Variants in TENM3 observed in about 807,000 individuals in gnomAD.
TENM3 encodes teneurin transmembrane protein 3.
TENM3 carries 63 observed loss-of-function variants against 255.1 expected under a neutral mutation model. The ratio of observed to expected loss-of-function variants is 0.25; its 90% confidence interval spans 0.20 to 0.30. The LOEUF is 0.30. TENM3 is among the 10% of genes least tolerant of loss of function. TENM3 has a pLI of 1.00. For synonymous variants in TENM3, 1,306 were observed against 1,322.3 expected (o/e 0.99, Z 0.27); for missense variants, 2,929 against 3,461.1 (o/e 0.85, Z 3.86).
chr4:182,586,345 G>A (rs557925851), intron 3 of TENM3, among the ~76,000 whole-genome samples: 76 of 152,100 alleles, frequency 5.0e-4, no homozygotes, highest in Non-Finnish European at 8.8e-4. Context: ...TGCCATTCAC[G>A]GGGCATTGTC....
At chr4:182,581,858 T>C (rs1163707826) in intron 3 of TENM3, among the ~76,000 whole-genome samples, 1 of 151,920 alleles carries the variant, frequency 6.6e-6, no homozygotes, top group Non-Finnish European at 1.5e-5. Flanking sequence ...GAATGATATC[T>C]AGAGTCTTGT....
the TENM3 span, among the ~76,000 whole-genome samples, chr4:181,768,234 G>A: frequency 6.6e-6 from 1 of 152,134 alleles, no homozygotes; most frequent in Non-Finnish European, 1.5e-5. Context: ...CCAATGTCTG[G>A]AGACATTTTT....
At chr4:182,094,975 A>G in the TENM3 span, among the ~76,000 whole-genome samples, 4 of 152,008 alleles carry the variant, frequency 2.6e-5, no homozygotes, top group Non-Finnish European at 5.9e-5. Flanking sequence ...TTAAACATCT[A>G]AAATAAATAA....
the TENM3 span, among the ~76,000 whole-genome samples, chr4:181,641,805 CATATATATATATATATATAT>C: frequency 6.4e-5 from 2 of 31,438 alleles, no homozygotes; most frequent in Non-Finnish European, 1.0e-4. Context: ...ACACACACAC[CATATATATATATATATATAT>C]ATATATATAT....
the TENM3 span, among the ~76,000 whole-genome samples, chr4:182,020,094 G>A: frequency 1.3e-5 from 2 of 152,236 alleles, no homozygotes; most frequent in Non-Finnish European, 2.9e-5. Context: ...GCCAGGTGCT[G>A]TGGTTCATGC....
Position 182,683,036 on chromosome 4 carries a change from G to A in TENM3, c.2035+1022G>A, listed in dbSNP as rs181728646. Among the ~76,000 whole-genome samples, 564 of 152,228 alleles carry A rather than the reference G, an allele frequency of 3.7e-3. 1 individual carries two copies. Among genetic ancestry groups the A allele is most frequent in the Admixed American group, 5.3e-3 (81 of 15,286 alleles). On this transcript the variant is annotated intron_variant, in intron 11 of 27. Coordinates refer to ENST00000511685, the MANE Select transcript of TENM3 (RefSeq NM_001080477.4). ...ATTAACATTTCTTTATTTAATGATG[G>A]TGGTAGTCTGGGTAAGGGTATAATT...
chr4:181,870,307 T>G, the TENM3 span, among the ~76,000 whole-genome samples: 1 of 152,306 alleles, frequency 6.6e-6, no homozygotes, highest in Non-Finnish European at 1.5e-5. Context: ...GAAGTCTTTT[T>G]GTGGCCATAT....
At chr4:181,605,524 A>G in the TENM3 span, among the ~76,000 whole-genome samples, 48 of 22,522 alleles carry the variant, frequency 2.1e-3, 2 homozygotes, top group South Asian at 4.3e-3. Context: ...GAAAGAAAGA[A>G]AGAAAGAAAG....
the TENM3 span, among the ~76,000 whole-genome samples, chr4:181,959,522 AG>A: frequency 6.6e-6 from 1 of 152,242 alleles, no homozygotes; most frequent in Non-Finnish European, 1.5e-5. Context: ...ATTCAAATTC[AG>A]TTAATGAATT....
At chr4:182,478,382 TA>T (rs1449256881) in intron 3 of TENM3, among the ~76,000 whole-genome samples, 1 of 152,114 alleles carries the variant, frequency 6.6e-6, no homozygotes, top group Non-Finnish European at 1.5e-5. Flanking sequence ...GGTACTTTGC[TA>T]ATATTCATTC....
At chr4:182,372,021 T>G (rs2150863212) in intron 3 of TENM3, among the ~76,000 whole-genome samples, 1 of 152,348 alleles carries the variant, frequency 6.6e-6, no homozygotes, top group South Asian at 2.1e-4. Flanking sequence ...TACCTTAGAA[T>G]ATCTTATTGT....
chr4:182,568,384 A>C (rs1176442475), intron 3 of TENM3, among the ~76,000 whole-genome samples: 1 of 152,260 alleles, frequency 6.6e-6, no homozygotes, highest in Admixed American at 6.5e-5. Flanking sequence ...TTGGAGAAAC[A>C]GAATGAGAAG....
chr4:182,161,664 AATAT>A (rs1292114052), intron 1 of TENM3, among the ~76,000 whole-genome samples: 2 of 80,146 alleles, frequency 2.5e-5, no homozygotes, highest in African/African-American at 1.0e-4. Flanking sequence ...CACACACACA[AATAT>A]ATATATGTAT....
At chr4:182,683,136 A>G (rs1756301749) in intron 11 of TENM3, among the ~76,000 whole-genome samples, 2 of 152,226 alleles carry the variant, frequency 1.3e-5, no homozygotes, top group African/African-American at 4.8e-5. Flanking sequence ...TTCATATCCA[A>G]TCTGTACTCC....
the TENM3 span, among the ~76,000 whole-genome samples, chr4:181,902,942 A>C: frequency 5.3e-5 from 8 of 152,324 alleles, no homozygotes; most frequent in South Asian, 1.7e-3. Context: ...TAGAATATTT[A>C]AGTACGTTGT....
the TENM3 span, among the ~76,000 whole-genome samples, chr4:182,022,014 A>G: frequency 2.0e-5 from 3 of 152,180 alleles, no homozygotes; most frequent in South Asian, 2.1e-4. Flanking sequence ...CAGAGCTACC[A>G]TTTGACCCAG....
chr4:182,509,404 A>G (rs1297121493), intron 3 of TENM3, among the ~76,000 whole-genome samples: 1 of 152,134 alleles, frequency 6.6e-6, no homozygotes, highest in Non-Finnish European at 1.5e-5. Flanking sequence ...CGTTTCAGTG[A>G]TATTTTTTCA....
chr4:182,603,461 G>A (rs546715938), intron 4 of TENM3, among the ~76,000 whole-genome samples: 1 of 151,996 alleles, frequency 6.6e-6, no homozygotes, highest in South Asian at 2.1e-4. Context: ...TTACAGTGTC[G>A]CTAATCAAAA....
At chr4:182,784,369 G>A (rs942408562) in intron 24 of TENM3, among the ~76,000 whole-genome samples, 3 of 151,860 alleles carry the variant, frequency 2.0e-5, no homozygotes, top group Non-Finnish European at 4.4e-5. Context: ...GCTGCTCAGG[G>A]GTCAGGGGTC....
Sources: gnomAD v4.1 joint callset for allele counts (sites outside exome capture counted in the v4.1 genomes callset) on GRCh38, gnomAD v4.1.1 for gene constraint, MANE v1.5 for transcripts, NCBI Gene and HGNC (gene_info 2026-07-23, HGNC 2026-07-21) for gene names.